CNTNAP1: variants seen among roughly 807,000 people sequenced by gnomAD.
CNTNAP1 encodes contactin-associated protein 1.
In CNTNAP1, 80 loss-of-function variants were observed where a neutral mutation model predicts 161.5. That is an observed-to-expected ratio of 0.50 (90% CI 0.41 to 0.60). The LOEUF (loss-of-function observed/expected upper bound fraction) is 0.60. Among genes scored for constraint, CNTNAP1 ranks in the 20% least tolerant of loss-of-function variants. CNTNAP1 has a pLI of 0.00. For missense variants in CNTNAP1, 1,464 were observed against 1,854.8 expected, an observed-to-expected ratio of 0.79 and a Z score of 3.87; for synonymous variants, 695 against 733.1, an observed-to-expected ratio of 0.95 and a Z score of 0.84.
Position 42,685,093 on chromosome 17 carries a change from C to G in CNTNAP1, c.466C>G (p.Arg156Gly). 3 of 1,578,552 alleles carry G rather than the reference C, an allele frequency of 1.9e-6. No individual in the cohort carries two copies. Among genetic ancestry groups the G allele is most frequent in the Non-Finnish European group, 2.6e-6 (3 of 1,161,330 alleles). Residue 156 changes from arginine (R) to glycine (G), a missense_variant, in exon 4 of 24, where the codon CGC becomes GGC. This residue lies in a region of CNTNAP1 where 1,383 missense variants were observed against 1,765.0 expected (regional missense o/e 0.78). Coordinates refer to ENST00000264638, the MANE Select transcript of CNTNAP1 (RefSeq NM_003632.3). This position sits in a 1 kb window ranked among gnomAD's most constrained non-coding sequence, Gnocchi z 5.0. Reference protein sequence around the residue: ...IRIVPLAWNPRGKIGLRLGLY... With the variant: ...IRIVPLAWNPGGKIGLRLGLY... ...CATCGTGCCCCTGGCCTGGAACCCACGCGGCAAGATCGGCCTGAGGCTCGG... is the reference window on the plus strand; with the variant it reads ...CATCGTGCCCCTGGCCTGGAACCCAGGCGGCAAGATCGGCCTGAGGCTCGG...
intron 18 of CNTNAP1, among the ~76,000 whole-genome samples, chr17:42,695,121 ATT>A (rs2053135463): frequency 6.6e-6 from 1 of 152,036 alleles, no homozygotes; most frequent in Non-Finnish European, 1.5e-5. Context: ...TAAGTTTTGT[ATT>A]TTTAGTAGAG....
chr17:42,698,508 G>T, intron 23 of CNTNAP1, 110 bp from the exon 24 acceptor site: 4 of 817,782 alleles, frequency 4.9e-6, no homozygotes, highest in East Asian at 2.6e-5. Flanking sequence ...GTGTGTGTAT[G>T]TATACAGGTG....
chr17:42,695,953 A>C, intron 19 of CNTNAP1, 72 bp from the exon 20 acceptor site: 1 of 1,598,930 alleles, frequency 6.3e-7, no homozygotes, highest in East Asian at 2.2e-5. Flanking sequence ...CACAAATACA[A>C]GGACCCACGT....
At position 42,691,884 on chromosome 17, in the gene CNTNAP1, A is replaced by ACCTC; in HGVS notation, c.2423_2424insCCTC (p.Val809LeufsTer46). The ACCTC allele has an allele frequency of 6.2e-7, 1 of 1,613,964 alleles. No individual in the cohort carries two copies. The highest frequency in any genetic ancestry group is 8.5e-7 in the Non-Finnish European group (1 of 1,179,966). ...CCAATCCGTGCCAACCACAGCCTGG[A>ACCTC]TGTCTCCTTCTACTTCAGGACCTCT... On this transcript the variant is annotated frameshift_variant, in exon 16 of 24. Coordinates refer to ENST00000264638, the MANE Select transcript of CNTNAP1 (RefSeq NM_003632.3). LOFTEE classifies it high-confidence loss of function. This position sits in a 1 kb window ranked among gnomAD's most constrained non-coding sequence, Gnocchi z 4.3.
chr17:42,691,549 T>C lies in CNTNAP1; in HGVS notation c.2344+38T>C, dbSNP rs748378314. 1 of 1,610,220 alleles carries C rather than the reference T, an allele frequency of 6.2e-7. No individual in the cohort carries two copies. The highest frequency in any genetic ancestry group is 1.7e-5 in the Admixed American group (1 of 59,510). ...CCCCTTTTGTGTGCCCTCCCAGAGC[T>C]GACTCTCCAGTTTCCAAAATCTAGG... On this transcript the variant is annotated intron_variant, in intron 15 of 23. Transcript: ENST00000264638. The surrounding 1 kb of genome is among the most constrained non-coding windows in gnomAD (Gnocchi z 4.3).
intron 16 of CNTNAP1, 86 bp from the exon 17 acceptor site, chr17:42,692,413 G>A: frequency 4.4e-6 from 5 of 1,130,808 alleles, no homozygotes; most frequent in Non-Finnish European, 5.2e-6. Flanking sequence ...AAGAGGTGAG[G>A]GAAAGAGGTT....
chr17:42,689,685 TGGGG>T, intron 11 of CNTNAP1, 58 bp downstream of exon 11: 1 of 1,404,074 alleles, frequency 7.1e-7, no homozygotes, highest in Non-Finnish European at 1.0e-6. Context: ...AGAAGGTTGC[TGGGG>T]ATCATCAGGC....
chr17:42,695,666 G>A lies in CNTNAP1; in HGVS notation c.3138G>A (p.Pro1046=), dbSNP rs141254892. 1.2e-4 allele frequency: 199 copies of A among 1,614,128 alleles called. No homozygotes were observed. In the South Asian group the frequency reaches 1.4e-3, roughly 11 times the overall value. ...GCTACATCCCGGGCTATGATACTCC[G>A]GGCTATGTGCCTGGCTACCATGGCC... ...EPGYIPGYDT[P]GYVPGYHGPG... is the part of the protein sequence containing the mutation. Residue 1046 remains proline, a synonymous_variant, in exon 19 of 24, where the codon CCG becomes CCA. Transcript: ENST00000264638.
chr17:42,683,619 A>G, intron 1 of CNTNAP1: 1 of 1,422,036 alleles, frequency 7.0e-7, no homozygotes, highest in Non-Finnish European at 9.2e-7. Flanking sequence ...GGGTTTGCCT[A>G]GAAGGAGAAG....
Position 42,693,519 on chromosome 17 carries a change from G to A in CNTNAP1, c.2975G>A (p.Gly992Glu). ...TCDCDLTAFD[G>E]PYCNHDIGGF... Reference sequence around the variant, plus strand: ...GACTGTGACCTCACGGCTTTTGATGGGCCATACTGCAACCACGGTAAGTGC... The same window carrying A: ...GACTGTGACCTCACGGCTTTTGATGAGCCATACTGCAACCACGGTAAGTGC... The change falls in exon 18 of 24, where the codon GGG becomes GAG. Residue 992 changes from glycine to glutamate, a missense_variant. Gly to Glu is a moderately conservative substitution (Grantham distance 98). This residue lies in a region of CNTNAP1 where 1,383 missense variants were observed against 1,765.0 expected (regional missense o/e 0.78). Coordinates refer to ENST00000264638, the MANE Select transcript of CNTNAP1 (RefSeq NM_003632.3). 1 of 1,613,476 alleles carries A rather than the reference G, an allele frequency of 6.2e-7. No homozygotes were observed. The highest frequency in any genetic ancestry group is 1.1e-5 in the South Asian group (1 of 91,086).
chr17:42,699,011 G>C lies in CNTNAP1; in HGVS notation c.*101G>C. ...CATTTGGCTCCTCTTAGCTGGCTCT[G>C]CTCATCCAGAGGATATTCCCCCATC... On this transcript the variant is annotated 3_prime_UTR_variant, in exon 24 of 24. Coordinates refer to ENST00000264638, the MANE Select transcript of CNTNAP1 (RefSeq NM_003632.3). The C allele has an allele frequency of 1.9e-6, 2 of 1,078,118 alleles. No homozygotes were observed. The highest frequency in any genetic ancestry group is 2.6e-6 in the Non-Finnish European group (2 of 772,794). 66.8% of individuals were successfully genotyped at this position (1,078,118 alleles called of 1,614,324 possible).
rs759059084 is a variant in CNTNAP1, at chr17:42,698,818, TCAGCCC to T, written c.4078_4083del (p.Ala1360_Pro1361del). On this transcript the variant is annotated inframe_deletion, in exon 24 of 24. Coordinates refer to ENST00000264638, the MANE Select transcript of CNTNAP1 (RefSeq NM_003632.3). Reference sequence around the variant, plus strand: ...AGCAGCTCCCAACCAAGCTCCAGCCTCAGCCCCAGCCCCAGCCCCAACTCCAGCCCC... The same window carrying T: ...AGCAGCTCCCAACCAAGCTCCAGCCTCAGCCCCAGCCCCAACTCCAGCCCC... The T allele has an allele frequency of 3.1e-6, 5 of 1,603,140 alleles. No homozygotes were observed. Among genetic ancestry groups the T allele is most frequent in the Middle Eastern group, 1.7e-4 (1 of 6,002 alleles).
At position 42,687,598 on chromosome 17, in the gene CNTNAP1, C is replaced by A; in HGVS notation, c.1045-122C>A. The stretch of plus-strand genomic sequence containing the variant: ...AAGAGGTCACGTCATGGTTGGAGAT[C>A]TCACCCCCGCCAACACCGAAGGAGG... On this transcript the variant is annotated intron_variant, in intron 7 of 23. Coordinates refer to ENST00000264638, the MANE Select transcript of CNTNAP1 (RefSeq NM_003632.3). This position sits in a 1 kb window ranked among gnomAD's most constrained non-coding sequence, Gnocchi z 4.7. 1 of 1,325,104 alleles carries A rather than the reference C, an allele frequency of 7.5e-7. No homozygotes were observed. Among genetic ancestry groups the A allele is most frequent in the South Asian group, 1.4e-5 (1 of 71,248 alleles). 82.1% of individuals were successfully genotyped at this position (1,325,104 alleles called of 1,614,324 possible). A position where few individuals can be genotyped will look rare whatever the true frequency, so the allele number is the denominator to read the frequency against.
In CNTNAP1 at chr17:42,690,071, A is replaced by G. The variant is rs769849658; in HGVS notation, c.1736-17A>G. ...CTAACTCTCTAACTGCCTTTGTCTC[A>G]ACCTATTATCTGCCAGCTTTGTATA... On this transcript the variant is annotated splice_polypyrimidine_tract_variant and intron_variant, in intron 11 of 23. Coordinates refer to ENST00000264638, the MANE Select transcript of CNTNAP1 (RefSeq NM_003632.3). The G allele has an allele frequency of 1.2e-5, 19 of 1,613,154 alleles. No individual in the cohort carries two copies. The highest frequency in any genetic ancestry group is 1.5e-5 in the Non-Finnish European group (18 of 1,179,484).
intron 6 of CNTNAP1, among the ~76,000 whole-genome samples, chr17:42,686,475 T>TTTTTG (rs2053013390): frequency 9.1e-6 from 1 of 109,854 alleles, no homozygotes; most frequent in South Asian, 2.7e-4. Context: ...GCCTGTTTTT[T>TTTTTG]TTTTTTTTTT....
chr17:42,695,192 C>T (rs572162913), intron 18 of CNTNAP1, among the ~76,000 whole-genome samples: 3 of 152,288 alleles, frequency 2.0e-5, no homozygotes, highest in East Asian at 3.9e-4. Context: ...AGATGATCTG[C>T]CTGCCTTGGC....
In CNTNAP1 at chr17:42,692,067, G is replaced by A. The variant is rs191258023; in HGVS notation, c.2530+76G>A. The A allele has an allele frequency of 1.3e-4, 196 of 1,481,014 alleles. 1 individual carries two copies. The East Asian group carries it at 4.2e-3, about 32-fold the overall frequency. The allele number at this position is 1,481,014 out of a possible 1,614,324, so 91.7% of individuals were successfully genotyped here. A position where few individuals can be genotyped will look rare whatever the true frequency, so the allele number is the denominator to read the frequency against. On this transcript the variant is annotated intron_variant, in intron 16 of 23. Coordinates refer to ENST00000264638, the MANE Select transcript of CNTNAP1 (RefSeq NM_003632.3). ...GGGGAGACAGGGGTAGGCTGGGGTT[G>A]GAGCCAAGGGCAGATGCCCTTTTGA...
At position 42,695,736 on chromosome 17, in the gene CNTNAP1, C is replaced by A; in HGVS notation, c.3208C>A (p.Pro1070Thr). The change falls in exon 19 of 24, where the codon CCC becomes ACC. Residue 1070 changes from proline (P) to threonine (T), a missense_variant. Physicochemically the swap from Pro to Thr is conservative, Grantham distance 38. Transcript: ENST00000264638. ...PDYPRPGRPV[P>T]GYRGPVYNVT... ...CTACCCCCGGCCTGGTCGGCCTGTG[C>A]CCGGTTACCGTGGGCCTGTCTACAA... 6.2e-7 allele frequency: 1 copy of A among 1,614,234 alleles called. No homozygotes were observed. Among genetic ancestry groups the A allele is most frequent in the South Asian group, 1.1e-5 (1 of 91,090 alleles).
chr17:42,684,163 T>A lies in CNTNAP1; in HGVS notation c.297T>A (p.Arg99=). 3 of 1,614,068 alleles carry A rather than the reference T, an allele frequency of 1.9e-6. No homozygotes were observed. The highest frequency in any genetic ancestry group is 2.5e-6 in the Non-Finnish European group (3 of 1,180,004). Residue 99 remains arginine (R), a synonymous_variant, in exon 3 of 24, where the codon CGT becomes CGA. Transcript: ENST00000264638. ...GSFNSWDWVT[R]YMLLYGDRVD... is the part of the protein sequence containing the mutation. ...TTAATTCTTGGGACTGGGTCACACG[T>A]TACATGCTACTCTACGGCGACCGAG...
Sources: allele counts gnomAD v4.1 joint callset (sites outside exome capture counted in the v4.1 genomes callset), GRCh38; gene constraint gnomAD v4.1.1; regional missense constraint gnomAD v4.1.1; non-coding constraint Gnocchi (gnomAD v3.1); transcripts MANE v1.5; gene names NCBI Gene and HGNC (gene_info 2026-07-23, HGNC 2026-07-21).